The following GOLM2 variants were observed in gnomAD, a reference collection of about 807,000 sequenced individuals.
The protein encoded by GOLM2 is protein GOLM2.
Under a neutral mutation model 55.9 loss-of-function variants are expected in GOLM2, and 26 were observed. The ratio of observed to expected loss-of-function variants is 0.47; its 90% CI spans 0.34 to 0.65. The LOEUF (loss-of-function observed/expected upper bound fraction) is 0.65, where lower values mean the gene tolerates loss of function less well. Among genes scored for constraint, GOLM2 ranks in the 30% least tolerant of loss-of-function variants. GOLM2 has a pLI of 0.01. For synonymous variants in GOLM2, 165 were observed against 194.6 expected, an observed-to-expected ratio of 0.85 and a Z score of 1.27; for missense variants, 486 against 531.8, an observed-to-expected ratio of 0.91 and a Z score of 0.85.
At chr15:44,297,848 G>T (rs1463293254) in intron 1 of GOLM2, among the ~76,000 whole-genome samples, 1 of 142,462 alleles carries the variant, frequency 7.0e-6, no homozygotes, top group Non-Finnish European at 1.5e-5. Context: ...GATTACAGGT[G>T]TGAGCCACCG....
chr15:44,363,315 A>G (rs2079256481), intron 6 of GOLM2, among the ~76,000 whole-genome samples: 2 of 152,242 alleles, frequency 1.3e-5, no homozygotes, highest in Non-Finnish European at 2.9e-5. Flanking sequence ...GCTAATATCC[A>G]GAATCTACAA....
Position 44,349,766 on chromosome 15 carries a change from C to A in GOLM2, c.802+11449C>A, listed in dbSNP as rs142419884. Among the ~76,000 whole-genome samples, 1,126 of 152,198 alleles carry A rather than the reference C, an allele frequency of 7.4e-3. 12 individuals are homozygous for A. The highest frequency in any genetic ancestry group is 0.026 in the African/African-American group (1,077 of 41,518). The stretch of plus-strand genomic sequence containing the variant: ...ACCACCAAACAAGTCTTAAAACATT[C>A]AAAAAATTGACGTTATATCAAGTAT... On this transcript the variant is annotated intron_variant, in intron 6 of 9. Coordinates refer to ENST00000299957, the MANE Select transcript of GOLM2 (RefSeq NM_138423.4).
intron 6 of GOLM2, among the ~76,000 whole-genome samples, chr15:44,352,656 A>G (rs1303836346): frequency 2.0e-5 from 3 of 152,086 alleles, no homozygotes; most frequent in East Asian, 3.8e-4. Context: ...TGACACCTTT[A>G]ATCCTAGTAC....
At chr15:44,394,461 C>T (rs920919602) in intron 8 of GOLM2, among the ~76,000 whole-genome samples, 7 of 152,144 alleles carry the variant, frequency 4.6e-5, no homozygotes, top group African/African-American at 1.7e-4. Context: ...TTCTAGCTAC[C>T]ATGCTTCTTT....
chr15:44,393,487 C>G (rs1401951678), intron 8 of GOLM2, among the ~76,000 whole-genome samples: 2 of 152,098 alleles, frequency 1.3e-5, no homozygotes, highest in Non-Finnish European at 2.9e-5. Flanking sequence ...TGGGTGGAAT[C>G]TGATAAGCTG....
At chr15:44,331,853 A>G (rs2079024043) in intron 3 of GOLM2, 135 bp from the exon 4 acceptor site, 4 of 608,062 alleles carry the variant, frequency 6.6e-6, no homozygotes, top group African/African-American at 3.8e-5. Flanking sequence ...AGCTATTTGT[A>G]TGCTCTGTTT....
chr15:44,322,992 C>G lies in GOLM2; in HGVS notation c.355C>G (p.Gln119Glu), dbSNP rs755047609. The G allele has an allele frequency of 2.5e-6, 4 of 1,577,690 alleles. No individual in the cohort carries two copies. The highest frequency in any genetic ancestry group is 3.4e-6 in the Non-Finnish European group (4 of 1,165,776). Residue 119 changes from glutamine to glutamate, a missense_variant, in exon 2 of 10, where the codon CAG becomes GAG. Gln to Glu is a conservative substitution (Grantham distance 29). Coordinates refer to ENST00000299957, the MANE Select transcript of GOLM2 (RefSeq NM_138423.4). ...KVKLQNNISYQMADIHHLKEQ... is the reference protein window; with the variant it reads ...KVKLQNNISYEMADIHHLKEQ... ...TAAACTACAGAACAACATATCGTAT[C>G]AGATGGCAGACATACATCATTTAAA... is the stretch of plus-strand genomic sequence containing the variant.
At chr15:44,409,314 G>C (rs1249928865) in intron 9 of GOLM2, among the ~76,000 whole-genome samples, 1 of 150,854 alleles carries the variant, frequency 6.6e-6, no homozygotes, top group Admixed American at 6.6e-5. Context: ...GTGGCTGGGC[G>C]CGGTGGGTCA....
chr15:44,302,688 ATTGTG>A (rs1434113031), intron 1 of GOLM2, among the ~76,000 whole-genome samples: 1 of 151,652 alleles, frequency 6.6e-6, no homozygotes, highest in Admixed American at 6.6e-5. Flanking sequence ...ATGGGGTTTC[ATTGTG>A]TTGCCCAGGC....
At chr15:44,339,371 C>T (rs1204404527) in intron 6 of GOLM2, among the ~76,000 whole-genome samples, 2 of 152,104 alleles carry the variant, frequency 1.3e-5, no homozygotes, top group Non-Finnish European at 2.9e-5. Flanking sequence ...TACAGTCTCT[C>T]TCTGTTGCCC....
intron 8 of GOLM2, among the ~76,000 whole-genome samples, chr15:44,386,309 A>G (rs887192918): frequency 6.6e-6 from 1 of 152,188 alleles, no homozygotes. Context: ...CCATTGAACA[A>G]TCTTGGTATC....
At position 44,366,320 on chromosome 15, in the gene GOLM2, C is replaced by CA. The variant is rs1202920615; in HGVS notation, c.803-13367dup. ...TCAAAAAAAAAAAAAAAAAACAAAA[C>CA]AAACAAACCACAAAACTGCTCTAAG... is the stretch of plus-strand genomic sequence containing the variant. On this transcript the variant is annotated intron_variant, in intron 6 of 9. Coordinates refer to ENST00000299957, the MANE Select transcript of GOLM2 (RefSeq NM_138423.4). Among the ~76,000 whole-genome samples the CA allele has an allele frequency of 7.1e-5, 10 of 141,380 alleles. No individual in the cohort carries two copies. In the East Asian group the frequency reaches 1.0e-3, roughly 15 times the overall value. 92.8% of individuals were successfully genotyped at this position (141,380 alleles called of 152,430 possible).
At chr15:44,384,675 A>T (rs978125534) in intron 8 of GOLM2, among the ~76,000 whole-genome samples, 3 of 151,972 alleles carry the variant, frequency 2.0e-5, no homozygotes, top group Admixed American at 2.0e-4. Context: ...TGAACCCAGG[A>T]GGCAGAGCTT....
chr15:44,366,623 G>A (rs1482533611), intron 6 of GOLM2, among the ~76,000 whole-genome samples: 1 of 152,078 alleles, frequency 6.6e-6, no homozygotes, highest in African/African-American at 2.4e-5. Context: ...AACAGAACGC[G>A]ACCCTGTCTC....
chr15:44,295,762 A>G (rs1181888360), intron 1 of GOLM2, among the ~76,000 whole-genome samples: 1 of 152,124 alleles, frequency 6.6e-6, no homozygotes, highest in Non-Finnish European at 1.5e-5. Context: ...TTAAAAGGAT[A>G]CGAGTCATAT....
intron 9 of GOLM2, among the ~76,000 whole-genome samples, chr15:44,408,645 T>C (rs2079613370): frequency 6.6e-6 from 1 of 152,216 alleles, no homozygotes; most frequent in South Asian, 2.1e-4. Flanking sequence ...CCTAGACATT[T>C]GCTCTTATCC....
At chr15:44,291,082 T>G (rs975235488) in intron 1 of GOLM2, among the ~76,000 whole-genome samples, 2 of 150,610 alleles carry the variant, frequency 1.3e-5, no homozygotes, top group Non-Finnish European at 3.0e-5. Context: ...GGATTACAGG[T>G]GTGAGCCACC....
At chr15:44,298,443 T>G (rs1365502623) in intron 1 of GOLM2, among the ~76,000 whole-genome samples, 14 of 150,504 alleles carry the variant, frequency 9.3e-5, no homozygotes, top group Non-Finnish European at 1.9e-4. Flanking sequence ...TTTTTTTTTT[T>G]TTTTGTATTT....
intron 1 of GOLM2, among the ~76,000 whole-genome samples, chr15:44,296,020 A>C (rs955761243): frequency 2.6e-5 from 4 of 151,888 alleles, no homozygotes; most frequent in African/African-American, 9.7e-5. Context: ...CATGTCTCTT[A>C]ACTTTGATTA....
Sources: gnomAD v4.1 joint callset for allele counts (sites outside exome capture counted in the v4.1 genomes callset) on GRCh38, gnomAD v4.1.1 for gene constraint, MANE v1.5 for transcripts, NCBI Gene and HGNC (gene_info 2026-07-23, HGNC 2026-07-21) for gene names.